Variants in QTMAN observed in about 807,000 individuals in gnomAD.
The protein encoded by QTMAN is queuosine-tRNA mannosyltransferase.
the QTMAN span, among the ~76,000 whole-genome samples, chr2:144,023,188 T>C: frequency 6.6e-6 from 1 of 151,778 alleles, no homozygotes; most frequent in African/African-American, 2.4e-5. Context: ...TGTGAATAGG[T>C]GAGGAAGGTG....
At chr2:144,106,801 A>G in the QTMAN span, among the ~76,000 whole-genome samples, 12 of 152,252 alleles carry the variant, frequency 7.9e-5, no homozygotes, top group Non-Finnish European at 1.6e-4. Context: ...AACAGAATAT[A>G]CATTCTTCTC....
At chr2:144,107,135 A>T in the QTMAN span, among the ~76,000 whole-genome samples, 2 of 152,238 alleles carry the variant, frequency 1.3e-5, no homozygotes, top group African/African-American at 4.8e-5. Flanking sequence ...ATAGCACTAA[A>T]TGCCCACAAG....
chr2:144,039,167 T>C, the QTMAN span, among the ~76,000 whole-genome samples: 1 of 152,192 alleles, frequency 6.6e-6, no homozygotes, highest in African/African-American at 2.4e-5. Flanking sequence ...GTTTTAGACA[T>C]ACTACATTAA....
chr2:143,964,589 T>G, the QTMAN span, among the ~76,000 whole-genome samples: 1 of 152,254 alleles, frequency 6.6e-6, no homozygotes, highest in Non-Finnish European at 1.5e-5. Context: ...CTTTCTAGTA[T>G]TTCCCCCTTA....
chr2:144,183,638 T>C, the QTMAN span, among the ~76,000 whole-genome samples: 8 of 152,314 alleles, frequency 5.3e-5, no homozygotes, highest in East Asian at 1.5e-3. Flanking sequence ...TCTATAGGGC[T>C]GAATTTTTTA....
At chr2:144,011,170 T>G in the QTMAN span, among the ~76,000 whole-genome samples, 2 of 152,264 alleles carry the variant, frequency 1.3e-5, no homozygotes, top group African/African-American at 4.8e-5. Context: ...ACAGGATATA[T>G]CCTTTAGTTG....
chr2:144,246,538 A>G, the QTMAN span, among the ~76,000 whole-genome samples: 6 of 142,364 alleles, frequency 4.2e-5, no homozygotes, highest in Non-Finnish European at 7.6e-5. Flanking sequence ...GCGCCACTGC[A>G]GTCCGCAGTC....
At chr2:144,124,673 T>C in the QTMAN span, among the ~76,000 whole-genome samples, 1 of 152,040 alleles carries the variant, frequency 6.6e-6, no homozygotes, top group East Asian at 1.9e-4. Flanking sequence ...ACAAACCAAA[T>C]TCCGGTGTTC....
the QTMAN span, among the ~76,000 whole-genome samples, chr2:143,963,669 A>G: frequency 2.0e-5 from 3 of 152,208 alleles, no homozygotes; most frequent in South Asian, 6.2e-4. Context: ...ATATTCTGGC[A>G]CCCTAATTGG....
the QTMAN span, among the ~76,000 whole-genome samples, chr2:144,064,796 CATGTTACT>C: frequency 6.6e-6 from 1 of 152,106 alleles, no homozygotes; most frequent in East Asian, 1.9e-4. Flanking sequence ...AAAATTCTAC[CATGTTACT>C]ATGTTACCCC....
chr2:144,182,816 T>C, the QTMAN span, among the ~76,000 whole-genome samples: 3 of 63,652 alleles, frequency 4.7e-5, 1 homozygote, highest in African/African-American at 1.7e-4. Context: ...ATAATATATA[T>C]ATTATATATA....
chr2:144,190,677 A>T, the QTMAN span, among the ~76,000 whole-genome samples: 1 of 152,344 alleles, frequency 6.6e-6, no homozygotes, highest in South Asian at 2.1e-4. Context: ...AATCGATATC[A>T]TTTCCAAGAA....
chr2:144,236,833 A>G, the QTMAN span, among the ~76,000 whole-genome samples: 1 of 152,094 alleles, frequency 6.6e-6, no homozygotes, highest in Non-Finnish European at 1.5e-5. Context: ...ACTGTGAACA[A>G]GATGGGAAAG....
chr2:144,170,858 T>C, the QTMAN span, among the ~76,000 whole-genome samples: 1 of 152,134 alleles, frequency 6.6e-6, no homozygotes, highest in Non-Finnish European at 1.5e-5. Flanking sequence ...GATATTCACA[T>C]TGATAACATA....
the QTMAN span, among the ~76,000 whole-genome samples, chr2:144,157,298 C>T: frequency 3.3e-5 from 5 of 152,024 alleles, no homozygotes; most frequent in South Asian, 4.2e-4. Context: ...TTTCTATTGC[C>T]TACATTTGAG....
chr2:144,182,102 G>A, the QTMAN span, among the ~76,000 whole-genome samples: 1 of 151,898 alleles, frequency 6.6e-6, no homozygotes, highest in African/African-American at 2.4e-5. Flanking sequence ...TGGAAACTAG[G>A]AAATAAAAGA....
At chr2:144,210,841 C>T in the QTMAN span, 11 of 152,268 alleles carry the variant, frequency 7.2e-5, no homozygotes, top group African/African-American at 2.6e-4. Context: ...TCGTAGATAT[C>T]TACCATCTTG....
chr2:144,081,441 T>C, the QTMAN span, among the ~76,000 whole-genome samples: 1 of 152,200 alleles, frequency 6.6e-6, no homozygotes, highest in Non-Finnish European at 1.5e-5. Context: ...GAAAAGGCAG[T>C]AGCTGACTTG....
At chr2:143,991,378 T>G in the QTMAN span, among the ~76,000 whole-genome samples, 1 of 151,996 alleles carries the variant, frequency 6.6e-6, no homozygotes, top group East Asian at 2.0e-4. Context: ...TTAAATAACT[T>G]CTCGGTGGGG....
Sources: gnomAD v4.1 joint callset for allele counts (sites outside exome capture counted in the v4.1 genomes callset) on GRCh38, gnomAD v4.1.1 for gene constraint, MANE v1.5 for transcripts, NCBI Gene and HGNC (gene_info 2026-07-23, HGNC 2026-07-21) for gene names.